RIBC2: variants seen among roughly 807,000 people sequenced by gnomAD.
The protein encoded by RIBC2 is RIB43A domain with coiled-coils 2.
A neutral mutation model predicts 44.3 loss-of-function variants in RIBC2; 40 were observed. That is an observed-to-expected ratio of 0.90 (90% CI 0.70 to 1.18). The LOEUF is 1.18. RIBC2 is among the 50% of genes most tolerant of loss of function. The pLI is 0.00. For synonymous variants in RIBC2, 171 were observed against 175.0 expected (o/e 0.98, Z 0.18); for missense variants, 459 against 485.5 (o/e 0.95, Z 0.51).
chr22:45,432,196 G>A (rs1422380071), intron 6 of RIBC2, 88 bp from the exon 7 acceptor site: 9 of 681,920 alleles, frequency 1.3e-5, no homozygotes, highest in Admixed American at 6.3e-5. Flanking sequence ...CTAATAAAAA[G>A]TTTGTGTGCC....
At chr22:45,426,979 A>G (rs1327713771) in intron 5 of RIBC2, among the ~76,000 whole-genome samples, 7 of 151,634 alleles carry the variant, frequency 4.6e-5, no homozygotes, top group Admixed American at 4.6e-4. Context: ...GAGCAACTAG[A>G]GGGATGGAAT....
chr22:45,429,752 G>C (rs2087562940), intron 5 of RIBC2, among the ~76,000 whole-genome samples: 1 of 152,160 alleles, frequency 6.6e-6, no homozygotes, highest in African/African-American at 2.4e-5. Flanking sequence ...TCTGGCACAG[G>C]AGATCGGCCG....
At chr22:45,425,141 AAAC>A (rs1391358144) in intron 4 of RIBC2, among the ~76,000 whole-genome samples, 4 of 150,010 alleles carry the variant, frequency 2.7e-5, no homozygotes, top group African/African-American at 5.1e-5. Context: ...ACAAACAAAC[AAAC>A]AAAAAAAAAC....
In RIBC2 at chr22:45,417,767, A is replaced by G. The variant is rs770139886; in HGVS notation, c.377A>G (p.Asp126Gly). The change falls in exon 3 of 7, where the codon GAT becomes GGT. Residue 126 changes from aspartate to glycine, a missense_variant. Asp to Gly is a moderately conservative substitution (Grantham distance 94). Transcript: ENST00000614167. The part of the protein sequence containing the change: ...DLSDPLALKK[D>G]LPARQSDNDV... Reference sequence around the variant, plus strand: ...TCCGACCCCCTAGCCCTTAAGAAAGATCTTCCAGCCCGGCAGTCAGATAAT... The same window carrying G: ...TCCGACCCCCTAGCCCTTAAGAAAGGTCTTCCAGCCCGGCAGTCAGATAAT... The G allele has an allele frequency of 6.2e-7, 1 of 1,614,178 alleles. No individual in the cohort carries two copies. The highest frequency in any genetic ancestry group is 1.1e-5 in the South Asian group (1 of 91,080).
intron 2 of RIBC2, 93 bp downstream of exon 2, chr22:45,414,496 TTTTA>T: frequency 1.3e-6 from 1 of 776,006 alleles, no homozygotes; most frequent in Non-Finnish European, 2.0e-6. Flanking sequence ...GCCTTTTTTT[TTTTA>T]TTTTTTATTT....
chr22:45,430,668 G>A (rs2087570816), intron 5 of RIBC2, among the ~76,000 whole-genome samples: 1 of 152,196 alleles, frequency 6.6e-6, no homozygotes, highest in Admixed American at 6.5e-5. Context: ...GTGCCTTTAG[G>A]AGAAGGAGGA....
intron 6 of RIBC2, 74 bp from the exon 7 acceptor site, chr22:45,432,210 T>TCAAAAAAGGCA: frequency 1.3e-6 from 1 of 768,602 alleles, no homozygotes; most frequent in Middle Eastern, 3.8e-4. Context: ...GTGTGCCTTT[T>TCAAAAAAGGCA]CAAAAAAAAA....
intron 4 of RIBC2, among the ~76,000 whole-genome samples, chr22:45,423,478 AT>A (rs1233785037): frequency 6.6e-6 from 1 of 152,150 alleles, no homozygotes; most frequent in Non-Finnish European, 1.5e-5. Context: ...CTTTATATTC[AT>A]TTTTAACCTC....
At chr22:45,421,524 T>C (rs1162091169) in intron 3 of RIBC2, among the ~76,000 whole-genome samples, 4 of 68,804 alleles carry the variant, frequency 5.8e-5, no homozygotes, top group Non-Finnish European at 9.8e-5. Context: ...TTAATAATAA[T>C]AATAGTATTA....
rs1056147 is a variant in RIBC2, at chr22:45,426,140, C to T, written c.868C>T (p.Arg290Cys). Residue 290 changes from arginine to cysteine, a missense_variant, in exon 5 of 7, where the codon CGC (arginine) becomes TGC (cysteine). Physicochemically the swap from Arg to Cys is radical, Grantham distance 180. Transcript: ENST00000614167. ...GACCCAGGAGCAGCTGGAGCAGATC[C>T]GCCTAGTCCAGAAGCAGCAAATCCA... The part of the protein sequence containing the change: ...GMTQEQLEQI[R>C]LVQKQQIQEK... The T allele has an allele frequency of 1.6e-4, 266 of 1,613,724 alleles. 1 individual carries two copies. Among genetic ancestry groups the T allele is most frequent in the Middle Eastern group, 3.3e-4 (2 of 6,078 alleles).
Position 45,425,986 on chromosome 22 carries a change from G to C in RIBC2, c.714G>C (p.Lys238Asn). ...ESVERKKQEKKQEQEDNLAEI... is the reference protein window; with the variant it reads ...ESVERKKQEKNQEQEDNLAEI... ...TGGAAAGGAAAAAGCAAGAGAAAAA[G>C]CAAGAACAAGAGGACAACTTGGCCG... The change falls in exon 5 of 7, where the codon AAG becomes AAC. Residue 238 changes from lysine to asparagine, a missense_variant. Physicochemically the swap from Lys to Asn is moderately conservative, Grantham distance 94. Transcript: ENST00000614167. The C allele has an allele frequency of 6.2e-7, 1 of 1,614,058 alleles. No homozygotes were observed. The highest frequency in any genetic ancestry group is 8.5e-7 in the Non-Finnish European group (1 of 1,180,004).
At chr22:45,427,538 A>G (rs1008998952) in intron 5 of RIBC2, among the ~76,000 whole-genome samples, 1 of 152,230 alleles carries the variant, frequency 6.6e-6, no homozygotes, top group Non-Finnish European at 1.5e-5. Flanking sequence ...TTCTGCCACA[A>G]TCTCCAATTA....
chr22:45,431,099 G>A, intron 6 of RIBC2, 33 bp downstream of exon 6: 1 of 1,555,806 alleles, frequency 6.4e-7, no homozygotes, highest in Non-Finnish European at 8.7e-7. Context: ...GCCAGGTGGG[G>A]GACCGGGTGG....
chr22:45,432,204 GC>G lies in RIBC2; in HGVS notation c.1071-78del, dbSNP rs1164725460. 3.7e-5 allele frequency: 26 copies of G among 697,600 alleles called. 1 individual carries two copies. Among genetic ancestry groups the G allele is most frequent in the African/African-American group, 1.1e-4 (3 of 28,194 alleles). 43.2% of individuals were successfully genotyped at this position (697,600 alleles called of 1,614,324 possible). A position where few individuals can be genotyped will look rare whatever the true frequency, so the allele number is the denominator to read the frequency against. ...TAACACACTAATAAAAAGTTTGTGT[GC>G]CTTTTCAAAAAAAAAAAAAAGAAAG... On this transcript the variant is annotated intron_variant, in intron 6 of 6. Coordinates refer to ENST00000614167, the MANE Select transcript of RIBC2 (RefSeq NM_015653.5).
chr22:45,421,580 TTAATAATAATAATAG>T (rs1569208957), intron 3 of RIBC2, among the ~76,000 whole-genome samples: 18 of 27,754 alleles, frequency 6.5e-4, no homozygotes, highest in Middle Eastern at 0.024. Context: ...AATAGTATTA[TTAATAATAATAATAG>T]TATTATTAAT....
At chr22:45,420,239 A>T (rs922381649) in intron 3 of RIBC2, among the ~76,000 whole-genome samples, 15 of 152,124 alleles carry the variant, frequency 9.9e-5, no homozygotes, top group African/African-American at 3.1e-4. Flanking sequence ...CTTCTGCCTC[A>T]GGGCCTTTGC....
rs1414792489 is a variant in RIBC2, at chr22:45,416,902, T to G, written c.212-700T>G. Among the ~76,000 whole-genome samples the G allele has an allele frequency of 3.4e-5, 5 of 148,828 alleles. No individual in the cohort carries two copies. In the East Asian group the frequency reaches 9.8e-4, roughly 29 times the overall value. The stretch of plus-strand genomic sequence containing the variant: ...CATAATTGTATTGATTACTCAGGTT[T>G]TTTTTTTTTTTTTTTTTGAGACAGA... On this transcript the variant is annotated intron_variant, in intron 2 of 6. Transcript: ENST00000614167.
intron 4 of RIBC2, among the ~76,000 whole-genome samples, chr22:45,425,324 A>G (rs749649579): frequency 3.3e-5 from 5 of 152,128 alleles, no homozygotes; most frequent in Admixed American, 1.3e-4. Context: ...TGCCCTGTCC[A>G]TGTGTTACTG....
intron 3 of RIBC2, among the ~76,000 whole-genome samples, 160 bp from the exon 4 acceptor site, chr22:45,422,130 C>G (rs562569859): frequency 6.6e-6 from 1 of 152,192 alleles, no homozygotes; most frequent in South Asian, 2.1e-4. Flanking sequence ...CATCTGGGAG[C>G]TTGACTCTCC....
Sources: gnomAD v4.1 joint callset for allele counts (sites outside exome capture counted in the v4.1 genomes callset) on GRCh38, gnomAD v4.1.1 for gene constraint, MANE v1.5 for transcripts, NCBI Gene and HGNC (gene_info 2026-07-23, HGNC 2026-07-21) for gene names.